The following COPG2 variants were observed in gnomAD, a reference collection of about 807,000 sequenced individuals.
COPG2 encodes the protein coat protein complex I subunit gamma 2, also known as coatomer subunit gamma-2.
In COPG2, 37 loss-of-function variants were observed where a neutral mutation model predicts 46.3. That is an observed-to-expected ratio of 0.80 (90% CI 0.61 to 1.05). The LOEUF (loss-of-function observed/expected upper bound fraction) is 1.05. COPG2 is among the 50% of genes least tolerant of loss of function. The pLI is 0.00. For missense variants in COPG2, 427 were observed against 387.8 expected, an observed-to-expected ratio of 1.10 and a Z score of -0.85; for synonymous variants, 159 against 129.7, an observed-to-expected ratio of 1.23 and a Z score of -1.53.
intron 20 of COPG2, among the ~76,000 whole-genome samples, chr7:130,522,976 G>C (rs1799737010): frequency 6.6e-6 from 1 of 151,732 alleles, no homozygotes; most frequent in Non-Finnish European, 1.5e-5. Flanking sequence ...AAAATCAGCT[G>C]GGCGTGGTGG....
chr7:130,666,985 T>C (rs1025171202), intron 2 of COPG2, 56 bp from the exon 3 acceptor site: 10 of 929,542 alleles, frequency 1.1e-5, no homozygotes, highest in African/African-American at 8.4e-5. Flanking sequence ...TCACAGATTA[T>C]AGCAAATCAA....
chr7:130,536,272 A>G (rs1249818960), intron 20 of COPG2, among the ~76,000 whole-genome samples: 1 of 152,126 alleles, frequency 6.6e-6, no homozygotes, highest in Non-Finnish European at 1.5e-5. Flanking sequence ...ATGAGTAGGA[A>G]GTGTACCTGG....
chr7:130,610,026 G>A, intron 9 of COPG2: 2 of 510,556 alleles, frequency 3.9e-6, no homozygotes, highest in South Asian at 2.9e-5. Flanking sequence ...TAAAGTCACT[G>A]CCTCCTAATT....
intron 9 of COPG2, among the ~76,000 whole-genome samples, chr7:130,568,303 G>A (rs1040739183): frequency 9.9e-5 from 15 of 152,192 alleles, no homozygotes; most frequent in South Asian, 8.3e-4. Context: ...AACCAAGTCC[G>A]CTGTCTTAAA....
chr7:130,556,881 T>C (rs1175723713), intron 12 of COPG2, among the ~76,000 whole-genome samples: 3 of 151,984 alleles, frequency 2.0e-5, no homozygotes, highest in Non-Finnish European at 2.9e-5. Flanking sequence ...AACATAAACA[T>C]ATATACTTCA....
intron 5 of COPG2, among the ~76,000 whole-genome samples, chr7:130,629,537 G>A (rs1202835841): frequency 2.0e-5 from 3 of 151,652 alleles, no homozygotes; most frequent in African/African-American, 7.3e-5. Flanking sequence ...TGGGACTACA[G>A]GCACATGCCA....
chr7:130,603,893 T>C (rs1554450820), intron 9 of COPG2: 1 of 517,166 alleles, frequency 1.9e-6, no homozygotes, highest in Admixed American at 2.0e-5. Flanking sequence ...AACCTACTAT[T>C]AATCATCTTG....
intron 20 of COPG2, among the ~76,000 whole-genome samples, chr7:130,544,209 G>A (rs1793391719): frequency 6.6e-6 from 1 of 152,172 alleles, no homozygotes; most frequent in African/African-American, 2.4e-5. Flanking sequence ...GTGAGTTAAA[G>A]TAAAAAACTC....
At chr7:130,589,865 C>A (rs554219825) in intron 9 of COPG2, among the ~76,000 whole-genome samples, 131 of 152,242 alleles carry the variant, frequency 8.6e-4, no homozygotes, top group Admixed American at 1.7e-3. Flanking sequence ...ATCAGGATAT[C>A]TTTTCTCCTG....
At chr7:130,642,765 G>A (rs1027676062) in intron 5 of COPG2, among the ~76,000 whole-genome samples, 1 of 152,226 alleles carries the variant, frequency 6.6e-6, no homozygotes, top group Non-Finnish European at 1.5e-5. Flanking sequence ...GCTCACGCCT[G>A]TAAGCCCAGC....
At chr7:130,628,881 A>C (rs1244899261) in intron 5 of COPG2, among the ~76,000 whole-genome samples, 2 of 152,144 alleles carry the variant, frequency 1.3e-5, no homozygotes, top group Non-Finnish European at 2.9e-5. Context: ...CTCTTTCTAC[A>C]AAAACAAAAA....
chr7:130,667,071 T>C (rs544881087), intron 2 of COPG2, 142 bp from the exon 3 acceptor site: 2 of 587,714 alleles, frequency 3.4e-6, no homozygotes, highest in East Asian at 5.8e-5. Context: ...AGGTATCTGA[T>C]AAATTATTAC....
At chr7:130,611,145 T>G (rs782797442) in intron 8 of COPG2, 35 bp from the exon 9 acceptor site, 3 of 1,565,332 alleles carry the variant, frequency 1.9e-6, no homozygotes. Context: ...GCACATGGAT[T>G]AGAAAGATGT....
chr7:130,664,538 C>G (rs1466455566), intron 3 of COPG2, among the ~76,000 whole-genome samples: 1 of 152,200 alleles, frequency 6.6e-6, no homozygotes, highest in Non-Finnish European at 1.5e-5. Flanking sequence ...TCAAAAGTAT[C>G]TTTCTATAAA....
chr7:130,647,932 G>T (rs181373835), intron 5 of COPG2, among the ~76,000 whole-genome samples: 2 of 151,754 alleles, frequency 1.3e-5, no homozygotes, highest in African/African-American at 4.8e-5. Flanking sequence ...GGGTTTCACC[G>T]TGTTAGCCAG....
At chr7:130,542,349 G>A (rs1030541455) in intron 20 of COPG2, among the ~76,000 whole-genome samples, 21 of 151,922 alleles carry the variant, frequency 1.4e-4, no homozygotes, top group African/African-American at 3.1e-4. Context: ...TGTCAATAAA[G>A]GGCATGGCGA....
chr7:130,506,356 G>T lies in COPG2; in HGVS notation c.*320C>A, dbSNP rs1554439969. ...TCTGGGATAAAAATTTTCCAGCATT[G>T]CCAGGAGCTTTCAGGTACACATTAA... On this transcript the variant is annotated 3_prime_UTR_variant, in exon 24 of 24. Coordinates refer to ENST00000425248, the MANE Select transcript of COPG2 (RefSeq NM_012133.6). The T allele has an allele frequency of 1.7e-5, 2 of 117,872 alleles. No individual in the cohort carries two copies. Among genetic ancestry groups the T allele is most frequent in the Admixed American group, 1.3e-4 (1 of 7,982 alleles). 7.3% of individuals were successfully genotyped at this position (117,872 alleles called of 1,614,324 possible).
rs1178527418 is a variant in COPG2, at chr7:130,590,347, A to T, written c.737+20606T>A. On this transcript the variant is annotated intron_variant, in intron 9 of 23. Coordinates refer to ENST00000425248, the MANE Select transcript of COPG2 (RefSeq NM_012133.6). ...GCTGCTGCCATCTCGGCTCACTGCA[A>T]CCTCCCTGCCTGATTCTCCTGCCTC... Among the ~76,000 whole-genome samples, 43 of 151,702 alleles carry T rather than the reference A, an allele frequency of 2.8e-4. No homozygotes were observed. The East Asian group carries it at 8.2e-3, about 29-fold the overall frequency.
chr7:130,599,436 T>C (rs1554450075), intron 9 of COPG2, among the ~76,000 whole-genome samples: 1 of 152,154 alleles, frequency 6.6e-6, no homozygotes, highest in African/African-American at 2.4e-5. Flanking sequence ...CCGCATTGGG[T>C]ATGAGTGGGT....
Sources: allele counts gnomAD v4.1 joint callset (sites outside exome capture counted in the v4.1 genomes callset), GRCh38; gene constraint gnomAD v4.1.1; transcripts MANE v1.5; gene names NCBI Gene and HGNC (gene_info 2026-07-23, HGNC 2026-07-21).